SEMA4B: variants seen among roughly 807,000 people sequenced by gnomAD.
SEMA4B encodes the protein semaphorin-4B.
Under a neutral mutation model 88.1 loss-of-function variants are expected in SEMA4B, and 55 were observed. The observed-to-expected ratio is 0.62, with a 90% CI of 0.50 to 0.78. SEMA4B has a LOEUF of 0.78. Among genes scored for constraint, SEMA4B ranks in the 30% least tolerant of loss-of-function variants. The pLI, the probability that SEMA4B is intolerant of heterozygous loss-of-function variation, is 0.00. For synonymous variants in SEMA4B, 525 were observed against 473.6 expected, an observed-to-expected ratio of 1.11 and a Z score of -1.41; for missense variants, 1,062 against 1,111.9, an observed-to-expected ratio of 0.96 and a Z score of 0.64.
chr15:90,201,379 G>A lies in SEMA4B; in HGVS notation c.-200G>A. The A allele has an allele frequency of 8.0e-7, 1 of 1,255,094 alleles. No individual in the cohort carries two copies. Among genetic ancestry groups the A allele is most frequent in the South Asian group, 2.9e-5 (1 of 34,832 alleles). The allele number at this position is 1,255,094 out of a possible 1,614,324, so 77.7% of individuals were successfully genotyped here. On this transcript the variant is annotated 5_prime_UTR_variant, in exon 1 of 14. Coordinates refer to ENST00000411539, the MANE Select transcript of SEMA4B (RefSeq NM_198925.4). ...CCGAGGCTGCGGGGCCGGCGCCGGC[G>A]GGAGGACTGCGGTGCCCCGCGGAGG...
chr15:90,204,782 T>C (rs1422848027), intron 1 of SEMA4B, among the ~76,000 whole-genome samples: 1 of 152,092 alleles, frequency 6.6e-6, no homozygotes, highest in Non-Finnish European at 1.5e-5. Flanking sequence ...GAGTTATTAT[T>C]ATTGTTATTT....
rs966844113 is a variant in SEMA4B at position 90,220,001 on chromosome 15, G to A, written c.483+110G>A. 5 of 791,334 alleles carry A rather than the reference G, an allele frequency of 6.3e-6. No individual in the cohort carries two copies. In the East Asian group the frequency reaches 1.4e-4, roughly 22 times the overall value. The allele number at this position is 791,334 out of a possible 1,614,324, so 49.0% of individuals were successfully genotyped here. A position where few individuals can be genotyped will look rare whatever the true frequency, so the allele number is the denominator to read the frequency against. On this transcript the variant is annotated intron_variant, in intron 4 of 13. Transcript: ENST00000411539. Reference sequence around the variant, plus strand: ...CCTGAGGAAAGGCAGGGCCCAGAGGGAGGTTTCTAGGTACCACTGGCCTCC... The same window carrying A: ...CCTGAGGAAAGGCAGGGCCCAGAGGAAGGTTTCTAGGTACCACTGGCCTCC...
Position 90,225,669 on chromosome 15 carries a change from G to A in SEMA4B, c.1530G>A (p.Leu510=), listed in dbSNP as rs1314054411. The change falls in exon 12 of 14, where the codon CTG becomes CTA. Residue 510 remains leucine, a synonymous_variant. Coordinates refer to ENST00000411539, the MANE Select transcript of SEMA4B (RefSeq NM_198925.4). The part of the protein sequence containing the change: ...NLLLDTHRGL[L]YAASHSGVVQ... ...CGTGTCTGGCTGTGCAGGGGCTGCT[G>A]TATGCGGCCTCACACTCGGGCGTAG... The A allele has an allele frequency of 2.6e-6, 4 of 1,564,724 alleles. No homozygotes were observed. In the Admixed American group the frequency reaches 5.6e-5, roughly 22 times the overall value.
chr15:90,201,319 C>T, upstream of SEMA4B: 11 of 1,183,288 alleles, frequency 9.3e-6, no homozygotes, highest in Non-Finnish European at 1.1e-5. Flanking sequence ...CCTTCAGCCC[C>T]GCCCTCCGCC....
At position 90,219,876 on chromosome 15, in the gene SEMA4B, C is replaced by T. The variant is rs1323868835; in HGVS notation, c.468C>T (p.Pro156=). The T allele has an allele frequency of 1.9e-6, 3 of 1,612,640 alleles. No homozygotes were observed. Among genetic ancestry groups the T allele is most frequent in the South Asian group, 1.1e-5 (1 of 91,072 alleles). ...CCTGTGGCACAGCAGCCTTCAGCCC[C>T]ATGTGTACCTACATCGTGAGTGACC... ...LFTCGTAAFS[P]MCTYINMENF... is the part of the protein sequence containing the mutation. The change falls in exon 4 of 14, where the codon CCC becomes CCT. Residue 156 remains proline, a synonymous_variant. Coordinates refer to ENST00000411539, the MANE Select transcript of SEMA4B (RefSeq NM_198925.4).
At position 90,221,392 on chromosome 15, in the gene SEMA4B, C is replaced by G; in HGVS notation, c.621C>G (p.Val207=). The part of the protein sequence containing the change: ...VVDGELYTGT[V]SSFQGNDPAI... ...ATGGCGAGCTCTACACTGGAACAGT[C>G]AGCAGCTTCCAAGGGAATGACCCGG... Residue 207 remains valine, a synonymous_variant, in exon 6 of 14, where the codon GTC becomes GTG. Coordinates refer to ENST00000411539, the MANE Select transcript of SEMA4B (RefSeq NM_198925.4). The G allele has an allele frequency of 6.4e-7, 1 of 1,571,308 alleles. No homozygotes were observed. Among genetic ancestry groups the G allele is most frequent in the Non-Finnish European group, 8.6e-7 (1 of 1,159,240 alleles).
intron 1 of SEMA4B, among the ~76,000 whole-genome samples, chr15:90,186,151 C>T (rs1032027213): frequency 2.6e-5 from 4 of 151,938 alleles, no homozygotes; most frequent in African/African-American, 9.7e-5. Flanking sequence ...CTAGGCTGGT[C>T]TCCAACTCCT....
At chr15:90,201,797 G>A (rs1960755817) in intron 1 of SEMA4B, 62 bp downstream of exon 1, 2 of 1,355,696 alleles carry the variant, frequency 1.5e-6, no homozygotes, top group South Asian at 1.7e-5. Context: ...GACGTGCCTC[G>A]TGCGGAGGTG....
intron 1 of SEMA4B, among the ~76,000 whole-genome samples, chr15:90,208,660 C>T (rs181169479): frequency 1.6e-4 from 24 of 152,296 alleles, no homozygotes; most frequent in African/African-American, 5.5e-4. Flanking sequence ...GTCTTGTGCC[C>T]CTTCCAGTCC....
chr15:90,217,234 C>T (rs983955984), intron 1 of SEMA4B: 5 of 546,736 alleles, frequency 9.1e-6, no homozygotes, highest in Non-Finnish European at 1.3e-5. Flanking sequence ...GTACATACAT[C>T]TCTGCATCAT....
Position 90,201,356 on chromosome 15 carries a change from G to C in SEMA4B, c.-223G>C, listed in dbSNP as rs1203013299. On this transcript the variant is annotated 5_prime_UTR_variant, in exon 1 of 14. Coordinates refer to ENST00000411539, the MANE Select transcript of SEMA4B (RefSeq NM_198925.4). ...CTTGCGGGTGAGCTCTGCCCAAGCC[G>C]AGGCTGCGGGGCCGGCGCCGGCGGG... 4 of 1,243,518 alleles carry C rather than the reference G, an allele frequency of 3.2e-6. No homozygotes were observed. Among genetic ancestry groups the C allele is most frequent in the Middle Eastern group, 3.1e-4 (1 of 3,190 alleles). 77.0% of individuals were successfully genotyped at this position (1,243,518 alleles called of 1,614,324 possible).
chr15:90,211,122 G>A (rs1301267806), intron 1 of SEMA4B, among the ~76,000 whole-genome samples: 1 of 152,172 alleles, frequency 6.6e-6, no homozygotes, highest in African/African-American at 2.4e-5. Flanking sequence ...CCTAGAAGCC[G>A]GGTTGTTAGA....
chr15:90,193,997 G>A (rs1045266084), intron 1 of SEMA4B, among the ~76,000 whole-genome samples: 4 of 151,722 alleles, frequency 2.6e-5, no homozygotes, highest in African/African-American at 7.3e-5. Flanking sequence ...GATTATAGGT[G>A]TGCACCACCA....
At chr15:90,200,467 TTTTG>T (rs1428649723), upstream of SEMA4B, among the ~76,000 whole-genome samples, 7 of 152,186 alleles carry the variant, frequency 4.6e-5, no homozygotes, top group African/African-American at 1.7e-4. Context: ...AGTTTCTATG[TTTTG>T]TTTGTTTCTT....
At chr15:90,197,537 A>G (rs959424213), upstream of SEMA4B, among the ~76,000 whole-genome samples, 10 of 148,858 alleles carry the variant, frequency 6.7e-5, no homozygotes, top group South Asian at 4.4e-4. Flanking sequence ...TCCCGGGTTC[A>G]CGCCATTCTC....
upstream of SEMA4B, among the ~76,000 whole-genome samples, chr15:90,197,942 T>G (rs1677056138): frequency 6.6e-6 from 1 of 151,284 alleles, no homozygotes. Flanking sequence ...TTTTTTTTTT[T>G]TTGAGATGGA....
chr15:90,197,268 T>C (rs796248765), upstream of SEMA4B, among the ~76,000 whole-genome samples: 50 of 152,118 alleles, frequency 3.3e-4, no homozygotes, highest in African/African-American at 1.1e-3. Flanking sequence ...TGCATGCCTG[T>C]AGTCCCAGCT....
At chr15:90,194,243 T>C (rs1596118327) in intron 1 of SEMA4B, among the ~76,000 whole-genome samples, 2 of 152,076 alleles carry the variant, frequency 1.3e-5, no homozygotes, top group Non-Finnish European at 2.9e-5. Flanking sequence ...ATAAAAGATA[T>C]TGATCAGGCC....
At chr15:90,213,272 G>A (rs1254553115) in intron 1 of SEMA4B, among the ~76,000 whole-genome samples, 2 of 152,202 alleles carry the variant, frequency 1.3e-5, no homozygotes, top group African/African-American at 4.8e-5. Flanking sequence ...GTAGAGGATG[G>A]CTTTGAACCC....
Sources: allele counts gnomAD v4.1 joint callset (sites outside exome capture counted in the v4.1 genomes callset), GRCh38; gene constraint gnomAD v4.1.1; transcripts MANE v1.5; gene names NCBI Gene and HGNC (gene_info 2026-07-23, HGNC 2026-07-21).